Variants in TBX1 observed in about 807,000 individuals in gnomAD.
The protein encoded by TBX1 is T-box transcription factor TBX1.
Under a neutral mutation model 40.8 loss-of-function variants are expected in TBX1, and 16 were observed. That is an observed-to-expected ratio of 0.39 (90% CI 0.27 to 0.60). The LOEUF (loss-of-function observed/expected upper bound fraction) is 0.60. TBX1 is among the 20% of genes least tolerant of loss of function. The pLI is 0.51. For synonymous variants in TBX1, 403 were observed against 336.8 expected (o/e 1.20, Z -2.15); for missense variants, 755 against 728.5 (o/e 1.04, Z -0.42).
chr22:19,770,967 C>T (rs563016443), downstream of TBX1, among the ~76,000 whole-genome samples: 1 of 152,292 alleles, frequency 6.6e-6, no homozygotes, highest in South Asian at 2.1e-4. Flanking sequence ...CTCAGTTTTC[C>T]CTTCAGCTGT....
At chr22:19,772,444 TA>T (rs1035627642) in intron 8 of TBX1, among the ~76,000 whole-genome samples, 1 of 152,124 alleles carries the variant, frequency 6.6e-6, no homozygotes, top group African/African-American at 2.4e-5. Flanking sequence ...TAGCTGGGAC[TA>T]CAGGCGTGTG....
chr22:19,768,953 C>CTTTT (rs36085623), downstream of TBX1, among the ~76,000 whole-genome samples: 199 of 66,088 alleles, frequency 3.0e-3, 5 homozygotes, highest in Middle Eastern at 0.017. Context: ...TGTTCGCATT[C>CTTTT]TTTTTTTTTT....
In TBX1 at chr22:19,766,541, G is replaced by A. The variant is rs2145838479; in HGVS notation, c.1189G>A (p.Ala397Thr). Residue 397 changes from alanine to threonine, a missense_variant, in exon 7 of 7, where the codon GCG (alanine) becomes ACG (threonine). Transcript: ENST00000649276. The stretch of plus-strand genomic sequence containing the variant: ...CGGCGGCTTAGTCCCGCTGCCCGGC[G>A]CGCCCGGAGGCCGGCCCAGTCCCCC... Reference protein sequence around the residue: ...GAGGLVPLPGAPGGRPSPPNP... With the variant: ...GAGGLVPLPGTPGGRPSPPNP... The A allele has an allele frequency of 1.5e-6, 2 of 1,344,606 alleles. No homozygotes were observed. The highest frequency in any genetic ancestry group is 1.9e-5 in the South Asian group (1 of 52,696). 83.3% of individuals were successfully genotyped at this position (1,344,606 alleles called of 1,614,324 possible).
chr22:19,766,630 A>G lies in TBX1; in HGVS notation c.1278A>G (p.Lys426=). The stretch of plus-strand genomic sequence containing the variant: ...AGCCGCTGCACCACCACCCCTACAA[A>G]TATCCGGCCGCCGCCTACGACCACT... ...ASEPLHHHPY[K]YPAAAYDHYL... The change falls in exon 7 of 7, where the codon AAA becomes AAG. Residue 426 remains lysine (K), a synonymous_variant. Coordinates refer to ENST00000649276, the MANE Select transcript of TBX1 (RefSeq NM_001379200.1). 1 of 1,545,336 alleles carries G rather than the reference A, an allele frequency of 6.5e-7. No homozygotes were observed. Among genetic ancestry groups the G allele is most frequent in the Non-Finnish European group, 8.7e-7 (1 of 1,154,420 alleles).
At chr22:19,781,957 T>C (rs571659035), downstream of TBX1, among the ~76,000 whole-genome samples, 1 of 110,660 alleles carries the variant, frequency 9.0e-6, no homozygotes, top group South Asian at 3.3e-4. Flanking sequence ...ACCCTGTTTC[T>C]AATTGAGAAA....
intron 2 of TBX1, chr22:19,763,846 C>G: frequency 1.2e-5 from 6 of 520,882 alleles, no homozygotes; most frequent in Non-Finnish European, 2.1e-5. Flanking sequence ...AGTGTGGGCT[C>G]CCACCGCAGC....
chr22:19,766,226 G>T (rs1936837281), intron 6 of TBX1, 163 bp from the exon 7 acceptor site: 1 of 1,069,958 alleles, frequency 9.3e-7, no homozygotes. Context: ...CCCGGGGAGG[G>T]CTCGGGGCGC....
chr22:19,771,834 G>T (rs1303234284), downstream of TBX1, among the ~76,000 whole-genome samples: 1 of 152,256 alleles, frequency 6.6e-6, no homozygotes, highest in Non-Finnish European at 1.5e-5. Flanking sequence ...CCATGGTGCA[G>T]TGGCAGTTGC....
Position 19,766,409 on chromosome 22 carries a change from G to C in TBX1, c.1057G>C (p.Glu353Gln). Residue 353 changes from glutamate (E) to glutamine (Q), a missense_variant, in exon 7 of 7, where the codon GAA becomes CAA. Around this residue, in one of 3 missense-constraint regions of TBX1, gnomAD observed 412 missense variants for 317.6 expected, o/e 1.30. Transcript: ENST00000649276. ...CGCAGACGCGGCTGAGGCCCGGCGA[G>C]AATTCCAGCGCGACGCGGGCGGGCC... ...TEKDAAEARR[E>Q]FQRDAGGPAV... The C allele has an allele frequency of 7.4e-7, 1 of 1,343,562 alleles. No individual in the cohort carries two copies. The highest frequency in any genetic ancestry group is 9.6e-7 in the Non-Finnish European group (1 of 1,046,278). 83.2% of individuals were successfully genotyped at this position (1,343,562 alleles called of 1,614,324 possible).
At chr22:19,769,168 C>T (rs41299924), downstream of TBX1, among the ~76,000 whole-genome samples, 374 of 152,136 alleles carry the variant, frequency 2.5e-3, 1 homozygote, top group African/African-American at 8.4e-3. Flanking sequence ...ACCATGTTGG[C>T]CAGGCTGGTC....
At chr22:19,763,585 G>A in intron 2 of TBX1, 1 of 561,920 alleles carries the variant, frequency 1.8e-6, no homozygotes, top group East Asian at 3.1e-5. Context: ...GCTCCCCTGG[G>A]CTGGTGTGGC....
At chr22:19,767,345 T>C, downstream of TBX1, 1 of 987,942 alleles carries the variant, frequency 1.0e-6, no homozygotes, top group Non-Finnish European at 1.2e-6. Flanking sequence ...GCCGCCTGCG[T>C]GTCCATTTAT....
Position 19,766,016 on chromosome 22 carries a change from C to T in TBX1, c.1036+14C>T. 6.7e-7 allele frequency: 1 copy of T among 1,491,614 alleles called. No homozygotes were observed. Among genetic ancestry groups the T allele is most frequent in the Non-Finnish European group, 8.9e-7 (1 of 1,127,424 alleles). 92.4% of individuals were successfully genotyped at this position (1,491,614 alleles called of 1,614,324 possible). ...GCACGGAGAAAGGTAGGGCCGGGGTCGTGGGATCCGGGTTCCGGCCCTGTG... is the reference window on the plus strand; with the variant it reads ...GCACGGAGAAAGGTAGGGCCGGGGTTGTGGGATCCGGGTTCCGGCCCTGTG... On this transcript the variant is annotated intron_variant, in intron 6 of 6. Transcript: ENST00000649276.
intron 1 of TBX1, among the ~76,000 whole-genome samples, chr22:19,762,858 C>G (rs1936712267): frequency 2.0e-5 from 3 of 152,190 alleles, no homozygotes; most frequent in African/African-American, 7.2e-5. Context: ...TTCGATCAAG[C>G]TGGGGAGGCT....
chr22:19,761,787 T>G (rs1041267398), intron 1 of TBX1, among the ~76,000 whole-genome samples: 1 of 152,214 alleles, frequency 6.6e-6, no homozygotes, highest in Non-Finnish European at 1.5e-5. Context: ...GGATTACCCT[T>G]AAAAACAGCG....
intron 2 of TBX1, 56 bp from the exon 3 acceptor site, chr22:19,764,099 G>T: frequency 1.9e-6 from 3 of 1,603,712 alleles, no homozygotes; most frequent in Non-Finnish European, 2.6e-6. Flanking sequence ...CAGCACACGG[G>T]TCAAGGCCCT....
intron 6 of TBX1, 139 bp from the exon 7 acceptor site, chr22:19,766,250 T>C (rs970460074): frequency 7.0e-6 from 8 of 1,150,446 alleles, no homozygotes; most frequent in Non-Finnish European, 8.6e-6. Context: ...CGACTTGGGG[T>C]CTCGGGCACG....
intron 2 of TBX1, among the ~76,000 whole-genome samples, 156 bp from the exon 3 acceptor site, chr22:19,763,999 C>T (rs1457993516): frequency 1.3e-5 from 2 of 152,180 alleles, no homozygotes; most frequent in African/African-American, 2.4e-5. Flanking sequence ...AGTCCATAGT[C>T]CCCCTTGGAA....
intron 8 of TBX1, among the ~76,000 whole-genome samples, chr22:19,778,708 T>A (rs1215070177): frequency 6.6e-6 from 1 of 152,190 alleles, no homozygotes; most frequent in African/African-American, 2.4e-5. Context: ...GTTCTGGGAT[T>A]GTAGGCATGA....
Sources: allele counts gnomAD v4.1 joint callset (sites outside exome capture counted in the v4.1 genomes callset), GRCh38; gene constraint gnomAD v4.1.1; regional missense constraint gnomAD v4.1.1; transcripts MANE v1.5; gene names NCBI Gene and HGNC (gene_info 2026-07-23, HGNC 2026-07-21).